TCF25: variants seen among roughly 807,000 people sequenced by gnomAD.
TCF25 encodes the protein ribosome quality control complex subunit TCF25.
TCF25 carries 41 observed loss-of-function variants against 83.1 expected under a neutral mutation model. The observed-to-expected ratio is 0.49, with a 90% CI of 0.38 to 0.64. TCF25 has a LOEUF of 0.64. Ranked by LOEUF, TCF25 falls within the 30% of genes least tolerant of loss-of-function variation. The probability of loss-of-function intolerance (pLI) is 0.00; values close to 1 mark genes in which losing one functional copy is unlikely to be tolerated. For missense variants in TCF25, 979 were observed against 914.5 expected (o/e 1.07, Z -0.91); for synonymous variants, 458 against 365.0 (o/e 1.25, Z -2.90).
intron 16 of TCF25, chr16:89,908,836 CCTCGCAGCTCCCAG>C (rs1473639625): frequency 1.2e-5 from 11 of 881,920 alleles, no homozygotes; most frequent in Admixed American, 6.1e-5. Flanking sequence ...CCAGCTCCCA[CCTCGCAGCTCCCAG>C]CTCTCTCCTG....
At chr16:89,910,260 G>A (rs1045915974) in intron 16 of TCF25, 4 of 381,482 alleles carry the variant, frequency 1.0e-5, no homozygotes, top group African/African-American at 6.2e-5. Context: ...TGAAGGAGAC[G>A]TTGAAACTGC....
At chr16:89,907,611 C>T (rs1461668446) in intron 16 of TCF25, among the ~76,000 whole-genome samples, 1 of 144,478 alleles carries the variant, frequency 6.9e-6, no homozygotes, top group Non-Finnish European at 1.5e-5. Flanking sequence ...TCCCAGCTCC[C>T]ACCTCCCAGC....
In TCF25 at chr16:89,873,762, A is replaced by G. The variant is rs1354781281; in HGVS notation, c.95A>G (p.Asp32Gly). Residue 32 changes from aspartate (D) to glycine (G), a missense_variant, in exon 1 of 18, where the codon GAT (aspartate) becomes GGT (glycine). By Grantham distance (94) the Asp-to-Gly change is moderately conservative. Coordinates refer to ENST00000263346, the MANE Select transcript of TCF25 (RefSeq NM_014972.3). ...GALHFDLRDD[D>G]DAEEEGPKRE... ...TTGCATTTCGATCTCCGTGATGACG[A>G]TGACGCGGAAGAAGAAGGGCCCAAG... 1.9e-6 allele frequency: 3 copies of G among 1,611,258 alleles called. No individual in the cohort carries two copies. The highest frequency in any genetic ancestry group is 1.7e-4 in the Middle Eastern group (1 of 6,048).
At position 89,883,410 on chromosome 16, in the gene TCF25, G is replaced by C. The variant is rs200443167; in HGVS notation, c.252G>C (p.Ala84=). 2 of 1,614,054 alleles carry C rather than the reference G, an allele frequency of 1.2e-6. No homozygotes were observed. The highest frequency in any genetic ancestry group is 1.7e-5 in the Admixed American group (1 of 60,012). The stretch of plus-strand genomic sequence containing the variant: ...TGAACGGGGAGAGGTCTGGCTGTGC[G>C]CTCACAGACGCTGTGGCACCAGGGA... ...PVVNGERSGC[A]LTDAVAPGNK... The change falls in exon 2 of 18, where the codon GCG becomes GCC. Residue 84 remains alanine, a synonymous_variant. Coordinates refer to ENST00000263346, the MANE Select transcript of TCF25 (RefSeq NM_014972.3).
intron 9 of TCF25, among the ~76,000 whole-genome samples, chr16:89,897,169 G>C (rs574056940): frequency 2.0e-5 from 3 of 152,352 alleles, no homozygotes; most frequent in African/African-American, 7.2e-5. Flanking sequence ...GGCTTTGCAG[G>C]TTTGACCTTA....
intron 15 of TCF25, 150 bp from the exon 16 acceptor site, chr16:89,907,093 A>G: frequency 1.2e-6 from 1 of 818,702 alleles, no homozygotes; most frequent in Non-Finnish European, 2.0e-6. Context: ...TCGTTGGTAC[A>G]AAAAGCACAG....
chr16:89,876,797 C>T (rs1038054824), intron 1 of TCF25, among the ~76,000 whole-genome samples: 8 of 152,160 alleles, frequency 5.3e-5, no homozygotes, highest in African/African-American at 1.2e-4. Flanking sequence ...GGTGTGGCGG[C>T]GGGAGCCTAT....
At chr16:89,875,322 TTTA>T (rs1191372994) in intron 1 of TCF25, among the ~76,000 whole-genome samples, 1 of 152,148 alleles carries the variant, frequency 6.6e-6, no homozygotes, top group Non-Finnish European at 1.5e-5. Context: ...TCTTTGCCTT[TTTA>T]TAGGGGGTTT....
intron 12 of TCF25, among the ~76,000 whole-genome samples, chr16:89,903,624 G>A (rs916241869): frequency 1.3e-5 from 2 of 152,038 alleles, no homozygotes; most frequent in Admixed American, 1.3e-4. Context: ...TGGCCAGCAT[G>A]GTGAAACCCT....
intron 1 of TCF25, among the ~76,000 whole-genome samples, chr16:89,880,158 G>A (rs558976456): frequency 8.4e-5 from 11 of 130,610 alleles, no homozygotes; most frequent in East Asian, 3.4e-4. Context: ...CCCATCACGC[G>A]TGCTGTCCGT....
At position 89,898,800 on chromosome 16, in the gene TCF25, G is replaced by A. The variant is rs2044093531; in HGVS notation, c.1149G>A (p.Leu383=). The A allele has an allele frequency of 6.2e-7, 1 of 1,613,912 alleles. No homozygotes were observed. Among genetic ancestry groups the A allele is most frequent in the African/African-American group, 1.3e-5 (1 of 75,046 alleles). Reference sequence around the variant, plus strand: ...CGGATGAGGACCCCCTCTGCATGCTGCTGCTCATCGACCACCTGGCCTTGC... The same window carrying A: ...CGGATGAGGACCCCCTCTGCATGCTACTGCTCATCGACCACCTGGCCTTGC... The part of the protein sequence containing the change: ...LEPDEDPLCM[L]LLIDHLALRA... Residue 383 remains leucine (L), a synonymous_variant, in exon 11 of 18, where the codon CTG becomes CTA. Coordinates refer to ENST00000263346, the MANE Select transcript of TCF25 (RefSeq NM_014972.3).
At chr16:89,901,468 G>A (rs949989904) in intron 12 of TCF25, among the ~76,000 whole-genome samples, 22 of 135,548 alleles carry the variant, frequency 1.6e-4, no homozygotes, top group Admixed American at 4.2e-4. Flanking sequence ...GCCTCCGGCC[G>A]GGCGCGGTGG....
intron 3 of TCF25, 39 bp downstream of exon 3, chr16:89,884,695 C>G: frequency 2.5e-6 from 4 of 1,594,130 alleles, no homozygotes; most frequent in Middle Eastern, 1.7e-4. Context: ...GTCCCTCTGC[C>G]TGACGCCCCT....
At chr16:89,902,790 G>A (rs572599500) in intron 12 of TCF25, among the ~76,000 whole-genome samples, 36 of 152,194 alleles carry the variant, frequency 2.4e-4, no homozygotes, top group Admixed American at 1.8e-3. Context: ...GGGGCGGTGA[G>A]GGGTGAGGGT....
At chr16:89,896,806 G>A (rs528371647) in intron 9 of TCF25, among the ~76,000 whole-genome samples, 1 of 152,082 alleles carries the variant, frequency 6.6e-6, no homozygotes, top group East Asian at 1.9e-4. Flanking sequence ...CACCCGCCTC[G>A]GCCTTCCAAA....
intron 5 of TCF25, chr16:89,889,176 A>G (rs2043238599): frequency 7.6e-6 from 3 of 395,180 alleles, no homozygotes; most frequent in South Asian, 3.8e-5. Flanking sequence ...CGAAGTGTCC[A>G]GAAGGCTTTG....
At chr16:89,881,856 G>C (rs183032131) in intron 1 of TCF25, among the ~76,000 whole-genome samples, 1 of 152,176 alleles carries the variant, frequency 6.6e-6, no homozygotes, top group Admixed American at 6.5e-5. Flanking sequence ...CCGGATTCAA[G>C]CAATTCTCCT....
intron 1 of TCF25, among the ~76,000 whole-genome samples, chr16:89,875,998 T>C (rs530235983): frequency 5.3e-5 from 8 of 151,780 alleles, no homozygotes; most frequent in Middle Eastern, 3.4e-3. Context: ...GCTTTTTTTT[T>C]CCCATTTAAA....
chr16:89,890,864 AT>A (rs1238259290), intron 5 of TCF25, among the ~76,000 whole-genome samples: 1 of 151,874 alleles, frequency 6.6e-6, no homozygotes, highest in Non-Finnish European at 1.5e-5. Flanking sequence ...TTTTTTGTTT[AT>A]TTATTTCTTT....
Sources: gnomAD v4.1 joint callset for allele counts (sites outside exome capture counted in the v4.1 genomes callset) on GRCh38, gnomAD v4.1.1 for gene constraint, MANE v1.5 for transcripts, NCBI Gene and HGNC (gene_info 2026-07-23, HGNC 2026-07-21) for gene names.